RIN2: variants seen among roughly 807,000 people sequenced by gnomAD.
RIN2 encodes Ras and Rab interactor 2.
Under a neutral mutation model 78.0 loss-of-function variants are expected in RIN2, and 36 were observed. The observed-to-expected ratio is 0.46, with a 90% CI of 0.35 to 0.61. The LOEUF is 0.61. Among genes scored for constraint, RIN2 ranks in the 20% least tolerant of loss-of-function variants. RIN2 has a pLI of 0.00. For missense variants in RIN2, 1,087 were observed against 1,159.7 expected (o/e 0.94, Z 0.91); for synonymous variants, 466 against 466.8 (o/e 1.00, Z 0.02).
intron 1 of RIN2, among the ~76,000 whole-genome samples, chr20:19,789,083 G>C (rs550712170): frequency 1.3e-5 from 2 of 152,354 alleles, no homozygotes; most frequent in East Asian, 3.9e-4. Flanking sequence ...AAATGGAACA[G>C]AAGTGAGAGT....
intron 2 of RIN2, among the ~76,000 whole-genome samples, chr20:19,863,825 G>A (rs2037417817): frequency 6.6e-6 from 1 of 152,106 alleles, no homozygotes; most frequent in South Asian, 2.1e-4. Flanking sequence ...TTCATCGGTA[G>A]AAAGCAAAGA....
intron 9 of RIN2, among the ~76,000 whole-genome samples, chr20:19,983,658 A>G (rs996571194): frequency 2.0e-5 from 3 of 152,160 alleles, no homozygotes; most frequent in Admixed American, 6.5e-5. Context: ...CATGATCTAA[A>G]CTCATGGATT....
At chr20:19,770,085 G>A (rs2034054618) in intron 1 of RIN2, among the ~76,000 whole-genome samples, 1 of 152,148 alleles carries the variant, frequency 6.6e-6, no homozygotes, top group Non-Finnish European at 1.5e-5. Context: ...ATGGAAGATG[G>A]TGTAATGAAG....
At chr20:19,869,794 T>G (rs1234555635) in intron 2 of RIN2, among the ~76,000 whole-genome samples, 5 of 142,840 alleles carry the variant, frequency 3.5e-5, no homozygotes, top group Admixed American at 1.4e-4. Flanking sequence ...CTGGCTAATT[T>G]TATTTATTTA....
At chr20:19,777,811 G>A (rs1207506830) in intron 1 of RIN2, among the ~76,000 whole-genome samples, 1 of 152,194 alleles carries the variant, frequency 6.6e-6, no homozygotes. Context: ...TTGTGTTGTG[G>A]CCTTCCTGGT....
At position 19,996,606 on chromosome 20, in the gene RIN2, C is replaced by T. The variant is rs533792446; in HGVS notation, c.2201-73C>T. The T allele has an allele frequency of 1.4e-5, 20 of 1,459,942 alleles. No individual in the cohort carries two copies. In the Middle Eastern group the frequency reaches 7.0e-4, roughly 51 times the overall value. The allele number at this position is 1,459,942 out of a possible 1,614,324, so 90.4% of individuals were successfully genotyped here. ...TAAAAATACAAAACATGCCTTCTAA[C>T]GCTGGCATCCCCTGTTATCACCCGT... is the stretch of plus-strand genomic sequence containing the variant. On this transcript the variant is annotated intron_variant, in intron 11 of 12. Coordinates refer to ENST00000255006, the MANE Select transcript of RIN2 (RefSeq NM_018993.4).
At chr20:19,968,506 C>T (rs541642873) in intron 7 of RIN2, among the ~76,000 whole-genome samples, 4 of 152,188 alleles carry the variant, frequency 2.6e-5, no homozygotes, top group African/African-American at 9.6e-5. Flanking sequence ...TGTGAAGATG[C>T]TGGGATGCAC....
intron 7 of RIN2, among the ~76,000 whole-genome samples, chr20:19,968,309 A>G (rs536446507): frequency 6.6e-6 from 1 of 152,372 alleles, no homozygotes; most frequent in South Asian, 2.1e-4. Flanking sequence ...GTTAAACAAA[A>G]TAAATCTAGA....
chr20:20,000,973 G>A lies in RIN2; in HGVS notation c.*37G>A. ...GACTTCCCAGTGGTGCATCCAAAGGGGAGCTGGAAGCCTTGCCTTCCCGCT... is the reference window on the plus strand; with the variant it reads ...GACTTCCCAGTGGTGCATCCAAAGGAGAGCTGGAAGCCTTGCCTTCCCGCT... On this transcript the variant is annotated 3_prime_UTR_variant, in exon 13 of 13. Coordinates refer to ENST00000255006, the MANE Select transcript of RIN2 (RefSeq NM_018993.4). 6.5e-7 allele frequency: 1 copy of A among 1,548,148 alleles called. No homozygotes were observed.
rs867894595 is a variant in RIN2, at chr20:19,852,815, G to A, written c.-36-36751G>A. On this transcript the variant is annotated intron_variant, in intron 2 of 12. Transcript: ENST00000255006. ...AGTCACCTAGTCACTTAAGACTGTCGCTTAGGATAAGGTGCTTTACATATT... is the reference window on the plus strand; with the variant it reads ...AGTCACCTAGTCACTTAAGACTGTCACTTAGGATAAGGTGCTTTACATATT... 5.3e-5 allele frequency among the ~76,000 whole-genome samples: 8 copies of A among 152,162 alleles called. No individual in the cohort carries two copies. The Middle Eastern group carries it at 0.01, about 195-fold the overall frequency.
intron 6 of RIN2, among the ~76,000 whole-genome samples, chr20:19,961,271 T>C (rs552168060): frequency 1.3e-5 from 2 of 152,312 alleles, no homozygotes; most frequent in East Asian, 1.9e-4. Flanking sequence ...GCAATCAGTG[T>C]TCAGTCTTCT....
chr20:19,956,274 AAAAG>A (rs2041531399), intron 4 of RIN2, among the ~76,000 whole-genome samples: 1 of 151,210 alleles, frequency 6.6e-6, no homozygotes. Flanking sequence ...AAAAAAAAAA[AAAAG>A]AAAAGAAAAA....
At chr20:19,862,981 T>G (rs568927385) in intron 2 of RIN2, among the ~76,000 whole-genome samples, 1 of 152,360 alleles carries the variant, frequency 6.6e-6, no homozygotes, top group Non-Finnish European at 1.5e-5. Flanking sequence ...CCTCTTGGCA[T>G]CATCTACTTT....
At chr20:19,847,092 T>A (rs1302545883) in intron 2 of RIN2, among the ~76,000 whole-genome samples, 1 of 152,242 alleles carries the variant, frequency 6.6e-6, no homozygotes, top group Non-Finnish European at 1.5e-5. Context: ...ATTAAATTAC[T>A]GTTTTGCCCT....
intron 1 of RIN2, among the ~76,000 whole-genome samples, chr20:19,768,922 CT>C (rs778608472): frequency 0.032 from 4,306 of 135,726 alleles, 41 homozygotes; most frequent in East Asian, 0.057. Context: ...CTTTCTGTTT[CT>C]TTTTTTTTTT....
intron 2 of RIN2, among the ~76,000 whole-genome samples, chr20:19,814,219 A>G (rs1600519264): frequency 6.6e-6 from 1 of 152,366 alleles, no homozygotes; most frequent in South Asian, 2.1e-4. Flanking sequence ...GCTTGGCCCA[A>G]GGAGACTATC....
At chr20:19,914,955 A>C (rs1407881172) in intron 3 of RIN2, among the ~76,000 whole-genome samples, 2 of 152,190 alleles carry the variant, frequency 1.3e-5, no homozygotes, top group Non-Finnish European at 2.9e-5. Context: ...CAATGAGAGC[A>C]GAACAGCACA....
intron 4 of RIN2, 42 bp from the exon 5 acceptor site, chr20:19,956,573 G>T: frequency 6.3e-7 from 1 of 1,583,924 alleles, no homozygotes; most frequent in South Asian, 1.1e-5. Context: ...TTAGGGAAAT[G>T]GTACTGCAGC....
chr20:19,953,891 C>T (rs2041425934), intron 4 of RIN2, among the ~76,000 whole-genome samples: 1 of 152,202 alleles, frequency 6.6e-6, no homozygotes, highest in Non-Finnish European at 1.5e-5. Flanking sequence ...CCTGGAATGG[C>T]ATTTGCAGAA....
Sources: allele counts gnomAD v4.1 joint callset (sites outside exome capture counted in the v4.1 genomes callset), GRCh38; gene constraint gnomAD v4.1.1; transcripts MANE v1.5; gene names NCBI Gene and HGNC (gene_info 2026-07-23, HGNC 2026-07-21).